SLC22A3: variants seen among roughly 807,000 people sequenced by gnomAD.
SLC22A3 encodes the protein solute carrier family 22 member 3, also known as EMT organic cation transporter 3.
In SLC22A3, 51 loss-of-function variants were observed where a neutral mutation model predicts 59.1. The ratio of observed to expected loss-of-function variants is 0.86; its 90% CI spans 0.69 to 1.09. The LOEUF (loss-of-function observed/expected upper bound fraction) is 1.09, where lower values mean the gene tolerates loss of function less well. Ranked by LOEUF, SLC22A3 falls within the 50% of genes least tolerant of loss-of-function variation. The probability of loss-of-function intolerance (pLI) is 0.00; values close to 1 mark genes in which losing one functional copy is unlikely to be tolerated. For synonymous variants in SLC22A3, 325 were observed against 292.0 expected (o/e 1.11, Z -1.15); for missense variants, 711 against 726.3 (o/e 0.98, Z 0.24).
At chr6:160,384,772 G>A (rs139857232) in intron 1 of SLC22A3, among the ~76,000 whole-genome samples, 254 of 152,102 alleles carry the variant, frequency 1.7e-3, no homozygotes, top group African/African-American at 5.9e-3. Context: ...TTGTGACTCC[G>A]CTCCCCTCCT....
chr6:160,352,961 C>T (rs1784710249), intron 1 of SLC22A3, among the ~76,000 whole-genome samples: 2 of 152,288 alleles, frequency 1.3e-5, no homozygotes, highest in African/African-American at 2.4e-5. Context: ...GCTGGGATTA[C>T]AGGCACCCGC....
intron 5 of SLC22A3, among the ~76,000 whole-genome samples, chr6:160,412,795 T>G (rs951540860): frequency 6.6e-6 from 1 of 152,206 alleles, no homozygotes. Flanking sequence ...TCTGCTCTTT[T>G]GCACACATAG....
chr6:160,408,340 G>T lies in SLC22A3; in HGVS notation c.689-413G>T, dbSNP rs376687848. On this transcript the variant is annotated intron_variant, in intron 3 of 10. Coordinates refer to ENST00000275300, the MANE Select transcript of SLC22A3 (RefSeq NM_021977.4). ...ATATTTATAATGAATCTTCTAAGGA[G>T]ACTAGAATGTGCATATCTCTAGAGA... Among the ~76,000 whole-genome samples the T allele has an allele frequency of 9.8e-5, 15 of 152,298 alleles. No homozygotes were observed. In the South Asian group the frequency reaches 1.7e-3, roughly 17 times the overall value.
At position 160,415,108 on chromosome 6, in the gene SLC22A3, A is replaced by C. The variant is rs571616920; in HGVS notation, c.975+4262A>C. On this transcript the variant is annotated intron_variant, in intron 5 of 10. Transcript: ENST00000275300. The surrounding 1 kb of genome is among the most constrained non-coding windows in gnomAD (Gnocchi z 4.1). Reference sequence around the variant, plus strand: ...CTTCAAACCGAACCTACCCATCTTTAATCTTTTTAATTGTACAGCGTAAGC... The same window carrying C: ...CTTCAAACCGAACCTACCCATCTTTCATCTTTTTAATTGTACAGCGTAAGC... Among the ~76,000 whole-genome samples the C allele has an allele frequency of 1.2e-4, 18 of 152,316 alleles. No homozygotes were observed. In the Middle Eastern group the frequency reaches 0.01, roughly 86 times the overall value.
intron 1 of SLC22A3, among the ~76,000 whole-genome samples, chr6:160,369,943 G>T (rs1018975038): frequency 6.6e-6 from 1 of 152,230 alleles, no homozygotes; most frequent in African/African-American, 2.4e-5. Flanking sequence ...GCCAGGGCAG[G>T]AGCCGTCAGG....
chr6:160,450,290 G>C (rs1445763192), intron 10 of SLC22A3, among the ~76,000 whole-genome samples: 1 of 152,102 alleles, frequency 6.6e-6, no homozygotes, highest in African/African-American at 2.4e-5. Flanking sequence ...TCCTTGCTAG[G>C]AAAAGACTTC....
rs1244868707 is a variant in SLC22A3 at position 160,415,196 on chromosome 6, A to C, written c.975+4350A>C. On this transcript the variant is annotated intron_variant, in intron 5 of 10. Coordinates refer to ENST00000275300, the MANE Select transcript of SLC22A3 (RefSeq NM_021977.4). This position sits in a 1 kb window ranked among gnomAD's most constrained non-coding sequence, Gnocchi z 4.1. The stretch of plus-strand genomic sequence containing the variant: ...CATTTAAGTTTAAAACACCTTGCTA[A>C]AAGCGGAATTCAGCCACATTATGGG... 1.3e-5 allele frequency among the ~76,000 whole-genome samples: 2 copies of C among 152,226 alleles called. No homozygotes were observed. The highest frequency in any genetic ancestry group is 6.5e-5 in the Admixed American group (1 of 15,288).
intron 1 of SLC22A3, among the ~76,000 whole-genome samples, chr6:160,362,708 G>A (rs1785057995): frequency 6.6e-6 from 1 of 152,232 alleles, no homozygotes. Flanking sequence ...AGAGGAGGAA[G>A]ACTGTGTCCA....
chr6:160,402,653 A>G (rs1786831685), intron 2 of SLC22A3, among the ~76,000 whole-genome samples: 1 of 151,860 alleles, frequency 6.6e-6, no homozygotes, highest in African/African-American at 2.4e-5. Flanking sequence ...TGGGCCATAA[A>G]ACATATATTA....
chr6:160,385,196 G>A (rs1432937448), intron 1 of SLC22A3, among the ~76,000 whole-genome samples: 3 of 152,184 alleles, frequency 2.0e-5, no homozygotes, highest in African/African-American at 7.2e-5. Context: ...CTTGTGTACT[G>A]TTGTGCATGG....
chr6:160,400,084 ATTTTTT>A lies in SLC22A3; in HGVS notation c.533+2023_533+2028del, dbSNP rs760874011. 6.2e-4 allele frequency among the ~76,000 whole-genome samples: 59 copies of A among 95,436 alleles called. 2 individuals are homozygous for A. Among genetic ancestry groups the A allele is most frequent in the African/African-American group, 2.0e-3 (48 of 24,498 alleles). The allele number at this position is 95,436 out of a possible 152,430, so 62.6% of individuals were successfully genotyped here. A position where few individuals can be genotyped will look rare whatever the true frequency, so the allele number is the denominator to read the frequency against. ...TCAAAGGAGGGCCCAAGCTTTTGTG[ATTTTTT>A]TTTTTTTTTTTTTTTTTTTTGCCAC... On this transcript the variant is annotated intron_variant, in intron 2 of 10. Coordinates refer to ENST00000275300, the MANE Select transcript of SLC22A3 (RefSeq NM_021977.4).
At chr6:160,372,026 T>A (rs1307686974) in intron 1 of SLC22A3, among the ~76,000 whole-genome samples, 1 of 152,094 alleles carries the variant, frequency 6.6e-6, no homozygotes, top group Non-Finnish European at 1.5e-5. Context: ...GATGGGGTTG[T>A]GTTTTTCTTG....
At chr6:160,374,948 G>A (rs1785535313) in intron 1 of SLC22A3, among the ~76,000 whole-genome samples, 1 of 152,180 alleles carries the variant, frequency 6.6e-6, no homozygotes. Context: ...CTGCTGCCCA[G>A]GTGCACTCCA....
chr6:160,396,924 C>T (rs1010198604), intron 1 of SLC22A3, among the ~76,000 whole-genome samples: 7 of 151,576 alleles, frequency 4.6e-5, no homozygotes, highest in East Asian at 1.9e-4. Context: ...ATTTTCTACA[C>T]GAAATACATT....
intron 1 of SLC22A3, among the ~76,000 whole-genome samples, chr6:160,396,500 G>A (rs558569219): frequency 1.3e-5 from 2 of 152,230 alleles, no homozygotes; most frequent in South Asian, 2.1e-4. Context: ...TAACATTTCT[G>A]TAGCAAAACT....
chr6:160,419,071 G>T (rs190681601), intron 5 of SLC22A3, among the ~76,000 whole-genome samples: 25 of 152,162 alleles, frequency 1.6e-4, no homozygotes, highest in Middle Eastern at 6.8e-3. Context: ...ATTCCAAAGG[G>T]ATTCCTTTAG....
At chr6:160,445,141 G>A (rs1160600339) in intron 9 of SLC22A3, among the ~76,000 whole-genome samples, 1 of 152,202 alleles carries the variant, frequency 6.6e-6, no homozygotes. Context: ...TGTGATAACT[G>A]CTGAGACCCT....
At chr6:160,383,757 A>C (rs1053722875) in intron 1 of SLC22A3, among the ~76,000 whole-genome samples, 5 of 152,200 alleles carry the variant, frequency 3.3e-5, no homozygotes, top group African/African-American at 1.2e-4. Context: ...GCATCCACAG[A>C]TTTATCCAAC....
chr6:160,355,631 G>T (rs938070096), intron 1 of SLC22A3, among the ~76,000 whole-genome samples: 1 of 151,882 alleles, frequency 6.6e-6, no homozygotes, highest in African/African-American at 2.4e-5. Context: ...GATTAGCCAG[G>T]CATGGTGGCG....
Sources: allele counts gnomAD v4.1 joint callset (sites outside exome capture counted in the v4.1 genomes callset), GRCh38; gene constraint gnomAD v4.1.1; non-coding constraint Gnocchi (gnomAD v3.1); transcripts MANE v1.5; gene names NCBI Gene and HGNC (gene_info 2026-07-23, HGNC 2026-07-21).